The following GRIP1 variants were observed in gnomAD, a reference collection of about 807,000 sequenced individuals.
GRIP1 encodes the protein glutamate receptor-interacting protein 1.
GRIP1 carries 45 observed loss-of-function variants against 129.9 expected under a neutral mutation model. That is an observed-to-expected ratio of 0.35 (90% CI 0.27 to 0.44). The LOEUF (loss-of-function observed/expected upper bound fraction) is 0.44. Ranked by LOEUF, GRIP1 falls within the 20% of genes least tolerant of loss-of-function variation. GRIP1 has a pLI of 1.00. For synonymous variants in GRIP1, 530 were observed against 520.8 expected, an observed-to-expected ratio of 1.02 and a Z score of -0.24; for missense variants, 1,196 against 1,396.8, an observed-to-expected ratio of 0.86 and a Z score of 2.29.
rs1040269471 is a variant in GRIP1 at position 66,456,259 on chromosome 12, T to C, written c.1126A>G (p.Asn376Asp). The C allele has an allele frequency of 7.8e-7, 1 of 1,289,498 alleles. No individual in the cohort carries two copies. The highest frequency in any genetic ancestry group is 1.5e-5 in the African/African-American group (1 of 65,804). The allele number at this position is 1,289,498 out of a possible 1,614,324, so 79.9% of individuals were successfully genotyped here. ...HSSLHTNHHY[N>D]TYHPDHCRVP... is the part of the protein sequence containing the mutation. ...CTGCAATGGTCAGGGTGGTACGTGT[T>C]ATAGTGATGGTTGGTGTGAAGGCTG... The change falls in exon 10 of 25, where the codon AAC (asparagine) becomes GAC (aspartate). Residue 376 changes from asparagine to aspartate, a missense_variant. Asn to Asp is a conservative substitution (Grantham distance 23). Transcript: ENST00000359742.
chr12:66,596,928 C>T lies in GRIP1; in HGVS notation c.56-1G>A. The T allele has an allele frequency of 1.2e-6, 2 of 1,604,610 alleles. No individual in the cohort carries two copies. Among genetic ancestry groups the T allele is most frequent in the Non-Finnish European group, 1.7e-6 (2 of 1,171,340 alleles). ...GCGGATTTAGTGTAGGGACTCTCAT[C>T]TGCAAAGGTACAATGAAGCGTTTGG... On this transcript the variant is annotated splice_acceptor_variant, in intron 1 of 24. Transcript: ENST00000359742. LOFTEE classifies it high-confidence loss of function.
intron 1 of GRIP1, among the ~76,000 whole-genome samples, chr12:67,051,899 T>C (rs2043352213): frequency 6.6e-6 from 1 of 152,254 alleles, no homozygotes; most frequent in Admixed American, 6.5e-5. Flanking sequence ...GTATCTTTAT[T>C]GTCTTGGTTT....
intron 1 of GRIP1, among the ~76,000 whole-genome samples, chr12:66,885,196 C>T (rs758451293): frequency 7.2e-5 from 11 of 152,130 alleles, no homozygotes; most frequent in Non-Finnish European, 1.3e-4. Context: ...CCTGTTCAAC[C>T]GAAACTCTCA....
intron 7 of GRIP1, among the ~76,000 whole-genome samples, chr12:66,483,308 T>TA (rs1356108981): frequency 1.3e-5 from 2 of 152,060 alleles, no homozygotes; most frequent in Non-Finnish European, 2.9e-5. Context: ...TACATTTTTT[T>TA]AAATATTTTT....
intron 1 of GRIP1, among the ~76,000 whole-genome samples, chr12:66,641,348 AGGG>A (rs869077036): frequency 1.0e-3 from 99 of 98,876 alleles, no homozygotes; most frequent in African/African-American, 3.3e-3. Context: ...GGGACATCTG[AGGG>A]GAGCTTTAAG....
chr12:66,492,846 C>T (rs1030977966), intron 7 of GRIP1, among the ~76,000 whole-genome samples: 2 of 152,004 alleles, frequency 1.3e-5, no homozygotes, highest in Non-Finnish European at 2.9e-5. Context: ...CCCATCTCTA[C>T]TAAAAATACA....
chr12:66,709,449 C>T (rs1222799763), intron 1 of GRIP1, among the ~76,000 whole-genome samples: 1 of 151,876 alleles, frequency 6.6e-6, no homozygotes, highest in African/African-American at 2.4e-5. Flanking sequence ...TCATCCTTTT[C>T]GTGGCAAAAC....
intron 1 of GRIP1, among the ~76,000 whole-genome samples, chr12:67,060,671 A>T (rs1298211755): frequency 6.6e-6 from 1 of 151,988 alleles, no homozygotes; most frequent in Non-Finnish European, 1.5e-5. Flanking sequence ...AAATACAAAA[A>T]AATTAGTCAG....
At chr12:66,727,342 A>C (rs1465350716) in intron 1 of GRIP1, among the ~76,000 whole-genome samples, 2 of 152,226 alleles carry the variant, frequency 1.3e-5, no homozygotes, top group Non-Finnish European at 2.9e-5. Flanking sequence ...TTCTGGCATA[A>C]GTGACAGAAA....
At position 66,406,324 on chromosome 12, in the gene GRIP1, T is replaced by C. The variant is rs532931802; in HGVS notation, c.1943A>G (p.Asp648Gly). Reference sequence around the variant, plus strand: ...TTTGCGGATTTTGAGCTTCACCAGGTCTTCACATTGCTGGAGGATCTGAAC... The same window carrying C: ...TTTGCGGATTTTGAGCTTCACCAGGCCTTCACATTGCTGGAGGATCTGAAC... Reference protein sequence around the residue: ...DAVQILQQCEDLVKLKIRKDE... With the variant: ...DAVQILQQCEGLVKLKIRKDE... Residue 648 changes from aspartate to glycine, a missense_variant, in exon 16 of 25, where the codon GAC becomes GGC. By Grantham distance (94) the Asp-to-Gly change is moderately conservative (BLOSUM62 -1). Around this residue, in one of 5 missense-constraint regions of GRIP1, gnomAD observed 508 missense variants for 587.0 expected, o/e 0.87. Transcript: ENST00000359742. 6.2e-7 allele frequency: 1 copy of C among 1,614,094 alleles called. No homozygotes were observed. Among genetic ancestry groups the C allele is most frequent in the South Asian group, 1.1e-5 (1 of 91,084 alleles).
At chr12:67,012,825 G>A (rs867943147) in intron 1 of GRIP1, among the ~76,000 whole-genome samples, 16 of 152,278 alleles carry the variant, frequency 1.1e-4, no homozygotes, top group Middle Eastern at 6.8e-3. Context: ...AGGACTGAGA[G>A]ATAAACCCCT....
At chr12:66,820,537 T>C (rs2039298706) in intron 1 of GRIP1, among the ~76,000 whole-genome samples, 3 of 152,312 alleles carry the variant, frequency 2.0e-5, no homozygotes, top group Admixed American at 6.5e-5. Context: ...ATTATGTCCA[T>C]GTACAAACCT....
intron 1 of GRIP1, among the ~76,000 whole-genome samples, chr12:66,973,919 C>CTTTTTTTTTTT (rs535699240): frequency 1.1e-4 from 13 of 121,354 alleles, no homozygotes; most frequent in Admixed American, 1.8e-4. Flanking sequence ...CTTTTCTTTT[C>CTTTTTTTTTTT]TTTTTTTTTT....
intron 1 of GRIP1, among the ~76,000 whole-genome samples, chr12:66,648,416 C>T (rs1337731411): frequency 6.6e-6 from 1 of 152,152 alleles, no homozygotes; most frequent in African/African-American, 2.4e-5. Flanking sequence ...TAAGTTCCAA[C>T]AAAATAAGGA....
intron 1 of GRIP1, among the ~76,000 whole-genome samples, chr12:67,002,197 A>C (rs1331105022): frequency 1.2e-4 from 18 of 152,240 alleles, no homozygotes; most frequent in Admixed American, 1.2e-3. Context: ...AGATGCAACT[A>C]ATTTTTATTC....
At chr12:67,058,754 T>C (rs535664547) in intron 1 of GRIP1, among the ~76,000 whole-genome samples, 3 of 152,314 alleles carry the variant, frequency 2.0e-5, no homozygotes, top group African/African-American at 7.2e-5. Context: ...GTTCAAAACA[T>C]AAGAAGAGTC....
intron 1 of GRIP1, among the ~76,000 whole-genome samples, chr12:66,882,176 C>T (rs2040489311): frequency 6.8e-6 from 1 of 146,746 alleles, no homozygotes; most frequent in South Asian, 2.2e-4. Flanking sequence ...AGCCCTATTG[C>T]CCGTGCCCCA....
chr12:66,862,384 T>A (rs2040127560), intron 1 of GRIP1, among the ~76,000 whole-genome samples: 1 of 152,090 alleles, frequency 6.6e-6, no homozygotes, highest in Admixed American at 6.6e-5. Context: ...CCTAAAGTAC[T>A]TCCTCCCATG....
intron 1 of GRIP1, among the ~76,000 whole-genome samples, chr12:67,027,011 C>T (rs935913409): frequency 2.0e-5 from 3 of 152,190 alleles, no homozygotes; most frequent in Admixed American, 2.0e-4. Context: ...CAGCCTCGAC[C>T]TCCAGGGCTC....
Sources: allele counts gnomAD v4.1 joint callset (sites outside exome capture counted in the v4.1 genomes callset), GRCh38; gene constraint gnomAD v4.1.1; regional missense constraint gnomAD v4.1.1; transcripts MANE v1.5; gene names NCBI Gene and HGNC (gene_info 2026-07-23, HGNC 2026-07-21).